TBL1XR1: variants seen among roughly 807,000 people sequenced by gnomAD.
The protein encoded by TBL1XR1 is F-box-like/WD repeat-containing protein TBL1XR1.
A neutral mutation model predicts 66.9 loss-of-function variants in TBL1XR1; 5 were observed. That is an observed-to-expected ratio of 0.07 (90% CI 0.04 to 0.16). The LOEUF (loss-of-function observed/expected upper bound fraction) is 0.16, where lower values mean the gene tolerates loss of function less well. Among genes scored for constraint, TBL1XR1 ranks in the 10% least tolerant of loss-of-function variants. The pLI, the probability that TBL1XR1 is intolerant of heterozygous loss-of-function variation, is 1.00. For synonymous variants in TBL1XR1, 210 were observed against 206.0 expected (o/e 1.02, Z -0.17); for missense variants, 238 against 623.2 (o/e 0.38, Z 6.58).
intron 2 of TBL1XR1, among the ~76,000 whole-genome samples, chr3:177,095,498 T>TC: frequency 6.6e-6 from 1 of 151,882 alleles, no homozygotes; most frequent in Non-Finnish European, 1.5e-5. Flanking sequence ...CAATTAGATT[T>TC]TTTTTTTTTT....
chr3:177,116,523 T>C (rs1174725486), intron 1 of TBL1XR1, among the ~76,000 whole-genome samples: 1 of 152,188 alleles, frequency 6.6e-6, no homozygotes, highest in Admixed American at 6.5e-5. Flanking sequence ...TACTAACCAT[T>C]GTGGATATCC....
chr3:177,177,257 C>T (rs1734267458), intron 1 of TBL1XR1, among the ~76,000 whole-genome samples: 2 of 152,084 alleles, frequency 1.3e-5, no homozygotes, highest in Admixed American at 6.5e-5. Context: ...CGAGACCAGC[C>T]TGACCAACAC....
At position 177,112,074 on chromosome 3, in the gene TBL1XR1, A is replaced by AATATATATATATAT. The variant is rs1170375681; in HGVS notation, c.-121-13547_-121-13534dup. ...ATAAGACAACAAAGATATAAAATCAAATATATATATATATATATATATATA... is the reference window on the plus strand; with the variant it reads ...ATAAGACAACAAAGATATAAAATCAAATATATATATATATATATATATATATATATATATATATA... On this transcript the variant is annotated intron_variant, in intron 1 of 15. Transcript: ENST00000457928. Among the ~76,000 whole-genome samples, 124 of 40,868 alleles carry AATATATATATATAT rather than the reference A, an allele frequency of 3.0e-3. 2 individuals carry two copies. The highest frequency in any genetic ancestry group is 3.9e-3 in the Non-Finnish European group (92 of 23,668). 26.8% of individuals were successfully genotyped at this position (40,868 alleles called of 152,430 possible). A position where few individuals can be genotyped will look rare whatever the true frequency, so the allele number is the denominator to read the frequency against.
intron 10 of TBL1XR1, among the ~76,000 whole-genome samples, chr3:177,039,995 C>A (rs906273748): frequency 1.9e-4 from 29 of 152,206 alleles, no homozygotes; most frequent in African/African-American, 6.7e-4. Flanking sequence ...AGTTTGTCAA[C>A]CCTAATTTAA....
chr3:177,167,064 T>C (rs1732907308), intron 1 of TBL1XR1, among the ~76,000 whole-genome samples: 1 of 152,258 alleles, frequency 6.6e-6, no homozygotes, highest in Non-Finnish European at 1.5e-5. Context: ...ATAATAGCTT[T>C]ATCCATAATT....
intron 2 of TBL1XR1, among the ~76,000 whole-genome samples, chr3:177,070,165 C>CA (rs11391982): frequency 0.43 from 65,924 of 151,946 alleles, 14,489 homozygotes; most frequent in East Asian, 0.58. Context: ...TATGATGAGT[C>CA]ACTTTGATTT....
intron 1 of TBL1XR1, among the ~76,000 whole-genome samples, chr3:177,133,876 C>CAAAAAAAAAAAAAA (rs541940840): frequency 9.5e-6 from 1 of 105,748 alleles, no homozygotes; most frequent in African/African-American, 3.6e-5. Flanking sequence ...ACTCCTATCT[C>CAAAAAAAAAAAAAA]AAAAAAAAAA....
At chr3:177,094,799 A>G (rs1027447529) in intron 2 of TBL1XR1, among the ~76,000 whole-genome samples, 1 of 151,856 alleles carries the variant, frequency 6.6e-6, no homozygotes, top group African/African-American at 2.4e-5. Context: ...AGAATATACA[A>G]TGGACCTTGT....
At chr3:177,099,828 T>C (rs138551532) in intron 1 of TBL1XR1, among the ~76,000 whole-genome samples, 13 of 152,390 alleles carry the variant, frequency 8.5e-5, no homozygotes, top group Admixed American at 8.5e-4. Flanking sequence ...TAAAGTTATA[T>C]AGGGCTACTT....
At chr3:177,119,958 C>T (rs1351463034) in intron 1 of TBL1XR1, among the ~76,000 whole-genome samples, 1 of 152,168 alleles carries the variant, frequency 6.6e-6, no homozygotes, top group Non-Finnish European at 1.5e-5. Context: ...CCCTTGGGGA[C>T]TCGCTCATCT....
At chr3:177,098,389 G>A (rs1177089989) in intron 2 of TBL1XR1, 77 bp downstream of exon 2, 1 of 869,070 alleles carries the variant, frequency 1.2e-6, no homozygotes, top group Non-Finnish European at 1.4e-6. Context: ...CAAATTGTGA[G>A]AAACTTTCAA....
At chr3:177,096,659 T>G (rs908585494) in intron 2 of TBL1XR1, among the ~76,000 whole-genome samples, 13 of 152,068 alleles carry the variant, frequency 8.5e-5, no homozygotes, top group African/African-American at 3.1e-4. Flanking sequence ...AACAAAAACT[T>G]CATGTGAACA....
At chr3:177,117,458 C>T (rs940787102) in intron 1 of TBL1XR1, among the ~76,000 whole-genome samples, 2 of 152,164 alleles carry the variant, frequency 1.3e-5, no homozygotes, top group African/African-American at 4.8e-5. Flanking sequence ...GCTGAATTAT[C>T]TGCACAGTCT....
intron 1 of TBL1XR1, among the ~76,000 whole-genome samples, chr3:177,148,118 A>T (rs1560228888): frequency 6.6e-6 from 1 of 152,254 alleles, no homozygotes; most frequent in Non-Finnish European, 1.5e-5. Context: ...TGAATGAAGA[A>T]TCAATTTTAG....
At chr3:177,112,107 A>ATATATATAT in intron 1 of TBL1XR1, among the ~76,000 whole-genome samples, 8 of 37,640 alleles carry the variant, frequency 2.1e-4, no homozygotes, top group South Asian at 1.1e-3. Flanking sequence ...ATATATATAT[A>ATATATATAT]TTTTTTTTTT....
intron 1 of TBL1XR1, among the ~76,000 whole-genome samples, chr3:177,112,089 ATATATATATATATATATATTT>A (rs1322234206): frequency 1.4e-4 from 6 of 43,988 alleles, no homozygotes; most frequent in African/African-American, 9.5e-4. Flanking sequence ...ATATATATAT[ATATATATATATATATATATTT>A]TTTTTTTTTT....
At chr3:177,064,836 C>A in intron 3 of TBL1XR1, 84 bp downstream of exon 3, 1 of 956,308 alleles carries the variant, frequency 1.0e-6, no homozygotes, top group East Asian at 2.8e-5. Context: ...ACGGTTTGGA[C>A]TGATACAAAT....
intron 1 of TBL1XR1, among the ~76,000 whole-genome samples, chr3:177,108,721 T>C (rs1725187321): frequency 6.6e-6 from 1 of 152,186 alleles, no homozygotes; most frequent in African/African-American, 2.4e-5. Flanking sequence ...ATTGTTTGAA[T>C]TATGAATTTC....
chr3:177,098,641 G>T, intron 1 of TBL1XR1, 100 bp from the exon 2 acceptor site: 1 of 542,412 alleles, frequency 1.8e-6, no homozygotes, highest in Non-Finnish European at 2.4e-6. Context: ...ATTCTTTAAG[G>T]TCCCCACCAG....
Sources: gnomAD v4.1 joint callset for allele counts (sites outside exome capture counted in the v4.1 genomes callset) on GRCh38, gnomAD v4.1.1 for gene constraint, MANE v1.5 for transcripts, NCBI Gene and HGNC (gene_info 2026-07-23, HGNC 2026-07-21) for gene names.